Variants in NFATC3 observed in about 807,000 individuals in gnomAD.
NFATC3 encodes the protein nuclear factor of activated T-cells, cytoplasmic 3.
A neutral mutation model predicts 98.6 loss-of-function variants in NFATC3; 46 were observed. The observed-to-expected ratio is 0.47, with a 90% confidence interval of 0.37 to 0.60. The LOEUF is 0.60. Among genes scored for constraint, NFATC3 ranks in the 20% least tolerant of loss-of-function variants. NFATC3 has a pLI of 0.00. For synonymous variants in NFATC3, 512 were observed against 472.2 expected (o/e 1.08, Z -1.09); for missense variants, 1,256 against 1,295.5 (o/e 0.97, Z 0.47).
At position 68,192,348 on chromosome 16, in the gene NFATC3, G is replaced by A. The variant is rs1490810423; in HGVS notation, c.3106+573G>A. The A allele has an allele frequency of 2.0e-5, 3 of 146,796 alleles. No homozygotes were observed. The Admixed American group carries it at 2.1e-4, about 10-fold the overall frequency. The allele number at this position is 146,796 out of a possible 1,614,324, so 9.1% of individuals were successfully genotyped here. A position where few individuals can be genotyped will look rare whatever the true frequency, so the allele number is the denominator to read the frequency against. On this transcript the variant is annotated intron_variant, in intron 9 of 9. Coordinates refer to ENST00000346183, the MANE Select transcript of NFATC3 (RefSeq NM_173165.3). ...ATATATATATAGAGAGAGAGAGAGA[G>A]AGAGAGAACTTTGAGGGTAGATATG...
At chr16:68,150,302 C>A (rs2151559398) in intron 3 of NFATC3, among the ~76,000 whole-genome samples, 1 of 151,544 alleles carries the variant, frequency 6.6e-6, no homozygotes, top group South Asian at 2.1e-4. Flanking sequence ...TTAGGCCAGG[C>A]ACAGTGGCTC....
At chr16:68,099,497 A>G (rs1056589651) in intron 1 of NFATC3, among the ~76,000 whole-genome samples, 4 of 151,668 alleles carry the variant, frequency 2.6e-5, no homozygotes, top group Non-Finnish European at 5.9e-5. Flanking sequence ...GCTACTGGGA[A>G]GGCTGAGACA....
At chr16:68,124,302 A>G (rs1021887397) in intron 2 of NFATC3, among the ~76,000 whole-genome samples, 7 of 151,486 alleles carry the variant, frequency 4.6e-5, no homozygotes, top group South Asian at 2.1e-4. Context: ...TTTGGTAGAG[A>G]TGGGGTCTTG....
intron 9 of NFATC3, among the ~76,000 whole-genome samples, chr16:68,193,203 A>T (rs1289572492): frequency 1.3e-5 from 2 of 152,052 alleles, no homozygotes; most frequent in Non-Finnish European, 2.9e-5. Flanking sequence ...GGGTATGTGG[A>T]TAGATTATGT....
At chr16:68,186,807 C>G (rs908537959) in intron 8 of NFATC3, among the ~76,000 whole-genome samples, 13 of 152,204 alleles carry the variant, frequency 8.5e-5, no homozygotes, top group African/African-American at 3.1e-4. Flanking sequence ...TTGTTTGTCT[C>G]ATTAATTTGT....
At chr16:68,127,074 G>A (rs953379469) in intron 3 of NFATC3, among the ~76,000 whole-genome samples, 4 of 151,978 alleles carry the variant, frequency 2.6e-5, no homozygotes, top group African/African-American at 4.8e-5. Flanking sequence ...TGAGCAGGGC[G>A]TGGTGGCGGG....
intron 1 of NFATC3, among the ~76,000 whole-genome samples, chr16:68,094,768 C>T (rs1306422064): frequency 1.3e-5 from 2 of 152,138 alleles, no homozygotes; most frequent in Non-Finnish European, 2.9e-5. Context: ...TAGTAAAATA[C>T]TCTTAATCTT....
chr16:68,105,615 T>C (rs1181058659), intron 1 of NFATC3, among the ~76,000 whole-genome samples: 8 of 152,188 alleles, frequency 5.3e-5, no homozygotes, highest in Non-Finnish European at 8.8e-5. Context: ...ACTGGCCTCA[T>C]AGAATGTGTT....
At chr16:68,188,791 C>G (rs1039369470) in intron 8 of NFATC3, among the ~76,000 whole-genome samples, 1 of 152,170 alleles carries the variant, frequency 6.6e-6, no homozygotes, top group Non-Finnish European at 1.5e-5. Context: ...TCACTGCAAC[C>G]TCTGCCTCCC....
rs919432344 is a variant in NFATC3, at chr16:68,227,096, A to C, written c.*625A>C. On this transcript the variant is annotated 3_prime_UTR_variant, in exon 10 of 10. Coordinates refer to ENST00000346183, the MANE Select transcript of NFATC3 (RefSeq NM_173165.3). ...CTGTTGTTAGATAAAATGAGAAGAG[A>C]CCATTCCATCATTGAAGTGTTGGAA... 6.6e-6 allele frequency: 1 copy of C among 152,216 alleles called. No individual in the cohort carries two copies. The highest frequency in any genetic ancestry group is 6.5e-5 in the Admixed American group (1 of 15,284). 9.4% of individuals were successfully genotyped at this position (152,216 alleles called of 1,614,324 possible). A position where few individuals can be genotyped will look rare whatever the true frequency, so the allele number is the denominator to read the frequency against.
At chr16:68,173,565 T>C in intron 5 of NFATC3, among the ~76,000 whole-genome samples, 1 of 152,110 alleles carries the variant, frequency 6.6e-6, no homozygotes, top group East Asian at 1.9e-4. Context: ...AGACTCTGTC[T>C]CAAAAAAAAT....
intron 3 of NFATC3, among the ~76,000 whole-genome samples, chr16:68,133,384 C>T (rs546913935): frequency 6.6e-6 from 1 of 152,236 alleles, no homozygotes; most frequent in South Asian, 2.1e-4. Context: ...ATACATGTAT[C>T]AAAATATCAC....
chr16:68,138,626 A>G lies in NFATC3; in HGVS notation c.1401+12016A>G, dbSNP rs1489634084. ...AGATACTTAACTACATTAACCTGGA[A>G]ATTACTATCAATCATCACCACTTAC... On this transcript the variant is annotated intron_variant, in intron 3 of 9. Coordinates refer to ENST00000346183, the MANE Select transcript of NFATC3 (RefSeq NM_173165.3). 3 of 1,289,136 alleles carry G rather than the reference A, an allele frequency of 2.3e-6. No individual in the cohort carries two copies. In the Admixed American group the frequency reaches 6.9e-5, roughly 30 times the overall value. The allele number at this position is 1,289,136 out of a possible 1,614,324, so 79.9% of individuals were successfully genotyped here. A position where few individuals can be genotyped will look rare whatever the true frequency, so the allele number is the denominator to read the frequency against.
intron 1 of NFATC3, among the ~76,000 whole-genome samples, chr16:68,120,215 G>A (rs1005816411): frequency 6.6e-6 from 1 of 151,204 alleles, no homozygotes; most frequent in African/African-American, 2.4e-5. Flanking sequence ...AGAAGTTTGA[G>A]GCAGCAGTGA....
chr16:68,138,472 A>T (rs772998504), intron 3 of NFATC3: 58 of 1,250,914 alleles, frequency 4.6e-5, no homozygotes, highest in East Asian at 3.4e-4. Context: ...AAAATTTTTT[A>T]AAAGTTTATT....
chr16:68,104,300 G>T (rs1013175518), intron 1 of NFATC3, among the ~76,000 whole-genome samples: 3 of 152,084 alleles, frequency 2.0e-5, no homozygotes, highest in East Asian at 3.8e-4. Flanking sequence ...ACTGTAAATA[G>T]AATTTTCTTA....
At chr16:68,156,401 C>G (rs2038619604) in intron 3 of NFATC3, among the ~76,000 whole-genome samples, 1 of 152,256 alleles carries the variant, frequency 6.6e-6, no homozygotes, top group South Asian at 2.1e-4. Context: ...AACCGATATC[C>G]TTCATGAATA....
intron 3 of NFATC3, 126 bp downstream of exon 3, chr16:68,126,736 TG>T: frequency 1.2e-6 from 1 of 859,616 alleles, no homozygotes; most frequent in Non-Finnish European, 1.7e-6. Flanking sequence ...TCTGTTGTTT[TG>T]GGGGCTTGTT....
chr16:68,129,671 C>CT (rs568596333), intron 3 of NFATC3, among the ~76,000 whole-genome samples: 4,532 of 127,788 alleles, frequency 0.035, 333 homozygotes, highest in African/African-American at 0.12. Context: ...TGCTCCCCGC[C>CT]TTTTTTTTTT....
Sources: allele counts gnomAD v4.1 joint callset (sites outside exome capture counted in the v4.1 genomes callset), GRCh38; gene constraint gnomAD v4.1.1; transcripts MANE v1.5; gene names NCBI Gene and HGNC (gene_info 2026-07-23, HGNC 2026-07-21).